DNAH7: variants seen among roughly 807,000 people sequenced by gnomAD.
DNAH7 encodes axonemal beta dynein heavy chain 7.
DNAH7 carries 397 observed loss-of-function variants against 444.6 expected under a neutral mutation model. The ratio of observed to expected loss-of-function variants is 0.89; its 90% confidence interval spans 0.82 to 0.97. The LOEUF (loss-of-function observed/expected upper bound fraction) is 0.97. Ranked by LOEUF, DNAH7 falls within the 50% of genes least tolerant of loss-of-function variation. The pLI is 0.00. For missense variants in DNAH7, 4,902 were observed against 4,800.8 expected (o/e 1.02, Z -0.62); for synonymous variants, 1,636 against 1,624.4 (o/e 1.01, Z -0.17).
intron 3 of DNAH7, among the ~76,000 whole-genome samples, chr2:196,050,533 A>G (rs1198630852): frequency 6.6e-6 from 1 of 152,154 alleles, no homozygotes; most frequent in Non-Finnish European, 1.5e-5. Context: ...AAAAATAATA[A>G]TATTTGCATT....
chr2:195,976,780 A>AGAGAGAGAGAGAGAGAGAGAGAGAGAGG (rs1559295046), intron 15 of DNAH7, among the ~76,000 whole-genome samples: 2 of 148,914 alleles, frequency 1.3e-5, no homozygotes, highest in African/African-American at 4.9e-5. Context: ...AGAGAGAGAG[A>AGAGAGAGAGAGAGAGAGAGAGAGAGAGG]GAGAGAGACT....
intron 19 of DNAH7, among the ~76,000 whole-genome samples, chr2:195,940,905 C>T (rs540315161): frequency 1.4e-3 from 213 of 152,216 alleles, no homozygotes; most frequent in African/African-American, 1.9e-3. Flanking sequence ...GAAATAGGAA[C>T]GCTTTTACAC....
At chr2:195,801,184 C>T (rs914599053) in intron 54 of DNAH7, among the ~76,000 whole-genome samples, 5 of 152,040 alleles carry the variant, frequency 3.3e-5, no homozygotes, top group Non-Finnish European at 4.4e-5. Flanking sequence ...TTATAAGTGA[C>T]GAAGCCTTAG....
rs1245661924 is a variant in DNAH7 at position 195,864,855 on chromosome 2, C to T, written c.6800G>A (p.Ser2267Asn). 2.5e-6 allele frequency: 4 copies of T among 1,613,962 alleles called. No individual in the cohort carries two copies. The highest frequency in any genetic ancestry group is 2.7e-5 in the African/African-American group (2 of 74,908). Residue 2267 changes from serine (S) to asparagine (N), a missense_variant, in exon 41 of 65, where the codon AGC (serine) becomes AAC (asparagine). Transcript: ENST00000312428. ...ATCATGGAAATCACAAAACATTAAG[C>T]TGCGTAAGTCATCTGCTTCCACCAT... ...DGMVEADDLR[S>N]LMFCDFHDPK...
chr2:195,894,566 T>C (rs1026300278), intron 30 of DNAH7: 2 of 153,330 alleles, frequency 1.3e-5, no homozygotes, highest in African/African-American at 2.4e-5. Context: ...TGTCATTATA[T>C]ATGTGTGCAC....
In DNAH7 at chr2:195,809,742, G is replaced by T; in HGVS notation, c.9888+3C>A. 1.9e-6 allele frequency: 3 copies of T among 1,576,626 alleles called. No homozygotes were observed. In the South Asian group the frequency reaches 3.6e-5, roughly 19 times the overall value. ...TTTTCTTACAAATGAAAACAGTACTGACCGCCCGCTCATGCAGCAGTAGAT... is the reference window on the plus strand; with the variant it reads ...TTTTCTTACAAATGAAAACAGTACTTACCGCCCGCTCATGCAGCAGTAGAT... On this transcript the variant is annotated splice_donor_region_variant and intron_variant, in intron 52 of 64. Coordinates refer to ENST00000312428, the MANE Select transcript of DNAH7 (RefSeq NM_018897.3).
chr2:195,960,774 G>A lies in DNAH7; in HGVS notation c.2377C>T (p.Pro793Ser). The change falls in exon 18 of 65, where the codon CCA becomes TCA. Residue 793 changes from proline to serine, a missense_variant. Physicochemically the swap from Pro to Ser is moderately conservative, Grantham distance 74. Coordinates refer to ENST00000312428, the MANE Select transcript of DNAH7 (RefSeq NM_018897.3). ...CCAATATCTGCTTCTACTTGGTCTG[G>A]ATTCACTTTATGATATGGCCCTTCT... is the stretch of plus-strand genomic sequence containing the variant. ...WTEGPYHKVNPDQVEADIGNY... is the reference protein window; with the variant it reads ...WTEGPYHKVNSDQVEADIGNY... 1 of 1,614,054 alleles carries A rather than the reference G, an allele frequency of 6.2e-7. No homozygotes were observed.
In DNAH7 at chr2:196,028,006, C is replaced by T. The variant is rs1034802088; in HGVS notation, c.440G>A (p.Ser147Asn). ...ADLDSAVPDG[S>N]TIPKPTASAI... is the part of the protein sequence containing the mutation. ...AGAAGCGGTCGGTTTTGGAATTGTG[C>T]TTCCATCAGGGACAGCTGAGTCTAA... The change falls in exon 6 of 65, where the codon AGC (serine) becomes AAC (asparagine). Residue 147 changes from serine (S) to asparagine (N), a missense_variant. Physicochemically the swap from Ser to Asn is conservative, Grantham distance 46. Coordinates refer to ENST00000312428, the MANE Select transcript of DNAH7 (RefSeq NM_018897.3). The T allele has an allele frequency of 1.2e-6, 2 of 1,611,794 alleles. No individual in the cohort carries two copies. Among genetic ancestry groups the T allele is most frequent in the South Asian group, 1.1e-5 (1 of 90,720 alleles).
At chr2:196,029,541 T>G (rs576181756) in intron 5 of DNAH7, among the ~76,000 whole-genome samples, 185 of 151,912 alleles carry the variant, frequency 1.2e-3, no homozygotes, top group Admixed American at 2.0e-3. Flanking sequence ...AATGGCAGCT[T>G]TTTATTGATT....
chr2:195,936,712 A>T lies in DNAH7; in HGVS notation c.3159T>A (p.Ile1053=). ...CCAAATATTCATTAAGTCCTTTAAG[A>T]ATGAGCTCCAAAAGTTCATTAGATT... The part of the protein sequence containing the change: ...LKKSNELLEL[I]LKGLNEYLEK... The change falls in exon 20 of 65, where the codon ATT becomes ATA. Residue 1053 remains isoleucine, a synonymous_variant. Transcript: ENST00000312428. The T allele has an allele frequency of 6.2e-7, 1 of 1,604,812 alleles. No homozygotes were observed. The highest frequency in any genetic ancestry group is 8.5e-7 in the Non-Finnish European group (1 of 1,176,506).
intron 63 of DNAH7, among the ~76,000 whole-genome samples, chr2:195,753,610 A>T (rs573242448): frequency 2.0e-5 from 3 of 152,336 alleles, no homozygotes; most frequent in African/African-American, 7.2e-5. Flanking sequence ...GTACACATTA[A>T]CAGGCACTTA....
rs1698218694 is a variant in DNAH7, at chr2:195,834,275, A to T, written c.9031T>A (p.Tyr3011Asn). The T allele has an allele frequency of 6.2e-7, 1 of 1,609,590 alleles. No homozygotes were observed. The highest frequency in any genetic ancestry group is 1.3e-5 in the African/African-American group (1 of 74,868). The change falls in exon 48 of 65, where the codon TAT becomes AAT. Residue 3011 changes from tyrosine (Y) to asparagine (N), a missense_variant. Transcript: ENST00000312428. ...IKNMEKANSL[Y>N]VIKLSEPDYV... ...TCAGGTTCACTAAGTTTAATCACAT[A>T]AAGACTATTGGCTTTTTCCATGTTC...
At chr2:195,907,617 T>C (rs1687107567) in intron 25 of DNAH7, among the ~76,000 whole-genome samples, 1 of 152,156 alleles carries the variant, frequency 6.6e-6, no homozygotes, top group Admixed American at 6.6e-5. Flanking sequence ...TGTGTGTGCA[T>C]GCAAGCACAC....
At chr2:195,741,196 G>A (rs1693008602) in intron 63 of DNAH7, 1 of 155,310 alleles carries the variant, frequency 6.4e-6, no homozygotes, top group Non-Finnish European at 1.4e-5. Flanking sequence ...ATTATACTGT[G>A]TTTTCAGAAG....
intron 20 of DNAH7, among the ~76,000 whole-genome samples, chr2:195,935,275 ACT>A (rs754383253): frequency 3.9e-5 from 6 of 152,234 alleles, no homozygotes; most frequent in Non-Finnish European, 8.8e-5. Context: ...ACAGTATCCA[ACT>A]ATTAGTCTAT....
chr2:195,936,922 T>C, intron 19 of DNAH7, 130 bp from the exon 20 acceptor site: 2 of 798,424 alleles, frequency 2.5e-6, no homozygotes, highest in African/African-American at 1.8e-5. Context: ...GGAGTATTTG[T>C]TTTTTAAAAG....
At chr2:195,781,950 G>A (rs115165875) in intron 58 of DNAH7, among the ~76,000 whole-genome samples, 2,143 of 144,418 alleles carry the variant, frequency 0.015, 29 homozygotes, top group Non-Finnish European at 0.022. Context: ...GTTAGGGTCA[G>A]AATGAGGGGT....
Position 195,936,744 on chromosome 2 carries a change from G to A in DNAH7, c.3127C>T (p.Leu1043=). The stretch of plus-strand genomic sequence containing the variant: ...TCCAAAAGTTCATTAGATTTTTTCA[G>A]CCTTTCCAGCATTCTGTCAATGGTT... ...VVTIDRMLER[L]KKSNELLELI... Residue 1043 remains leucine, a synonymous_variant, in exon 20 of 65, where the codon CTG becomes TTG. Coordinates refer to ENST00000312428, the MANE Select transcript of DNAH7 (RefSeq NM_018897.3). 3 of 1,595,058 alleles carry A rather than the reference G, an allele frequency of 1.9e-6. No homozygotes were observed. The highest frequency in any genetic ancestry group is 1.7e-6 in the Non-Finnish European group (2 of 1,172,546).
intron 49 of DNAH7, among the ~76,000 whole-genome samples, chr2:195,819,031 A>G (rs758512919): frequency 1.3e-5 from 2 of 152,154 alleles, no homozygotes; most frequent in Non-Finnish European, 2.9e-5. Flanking sequence ...TTTTCCTGCA[A>G]GGAACTGATT....
Sources: gnomAD v4.1 joint callset for allele counts (sites outside exome capture counted in the v4.1 genomes callset) on GRCh38, gnomAD v4.1.1 for gene constraint, MANE v1.5 for transcripts, NCBI Gene and HGNC (gene_info 2026-07-23, HGNC 2026-07-21) for gene names.